Variants in HSD3B1 observed in about 807,000 individuals in gnomAD.
HSD3B1 encodes hydroxy-delta-5-steroid dehydrogenase, 3 beta- and steroid delta-isomerase 1.
Under a neutral mutation model 10.4 loss-of-function variants are expected in HSD3B1, and 11 were observed. The observed-to-expected ratio is 1.05, with a 90% CI of 0.66 to 1.75. The LOEUF (loss-of-function observed/expected upper bound fraction) is 1.75, where lower values mean the gene tolerates loss of function less well. Ranked by LOEUF, HSD3B1 falls within the 40% of genes most tolerant of loss-of-function variation. The probability of loss-of-function intolerance (pLI) is 0.00; values close to 1 mark genes in which losing one functional copy is unlikely to be tolerated. For missense variants in HSD3B1, 490 were observed against 454.5 expected, an observed-to-expected ratio of 1.08 and a Z score of -0.71; for synonymous variants, 217 against 185.4, an observed-to-expected ratio of 1.17 and a Z score of -1.39.
rs587705352 is a variant in HSD3B1, at chr1:119,511,733, G to A, written c.310+66G>A. On this transcript the variant is annotated intron_variant, in intron 3 of 3. Coordinates refer to ENST00000369413, the MANE Select transcript of HSD3B1 (RefSeq NM_000862.3). ...TAAGGATCACAAAGAAGGGCAGGAA[G>A]GGAAGAGAAGTCCCTCCACTGAACA... 391 of 1,404,158 alleles carry A rather than the reference G, an allele frequency of 2.8e-4. 1 individual carries two copies. In the East Asian group the frequency reaches 8.8e-3, roughly 32 times the overall value. 87.0% of individuals were successfully genotyped at this position (1,404,158 alleles called of 1,614,324 possible).
rs748977379 is a variant in HSD3B1 at position 119,507,436 on chromosome 1, T to G, written c.-41T>G. ...AGAATCAGATCTGCTCCCCAGCATCTTCTGTTTCCTGGTGAGTGATTCCTG... is the reference window on the plus strand; with the variant it reads ...AGAATCAGATCTGCTCCCCAGCATCGTCTGTTTCCTGGTGAGTGATTCCTG... On this transcript the variant is annotated 5_prime_UTR_variant, in exon 2 of 4. Coordinates refer to ENST00000369413, the MANE Select transcript of HSD3B1 (RefSeq NM_000862.3). 3.4e-5 allele frequency: 55 copies of G among 1,610,894 alleles called. No individual in the cohort carries two copies. In the East Asian group the frequency reaches 1.2e-3, roughly 35 times the overall value.
At chr1:119,507,321 T>C (rs779603888) in intron 1 of HSD3B1, 59 bp downstream of exon 1, 71 of 694,168 alleles carry the variant, frequency 1.0e-4, no homozygotes, top group Non-Finnish European at 1.7e-4. Flanking sequence ...ACAGAATGTT[T>C]GCAAAAAAAA....
In HSD3B1 at chr1:119,513,894, G is replaced by A. The variant is rs770825985; in HGVS notation, c.371G>A (p.Ser124Asn). The change falls in exon 4 of 4, where the codon AGT (serine) becomes AAT (asparagine). Residue 124 changes from serine to asparagine, a missense_variant. Physicochemically the swap from Ser to Asn is conservative, Grantham distance 46. Transcript: ENST00000369413. ...AGTGTGCCAGTCTTCATCTACACCAGTAGCATAGAGGTAGCCGGGCCCAAC... is the reference window on the plus strand; with the variant it reads ...AGTGTGCCAGTCTTCATCTACACCAATAGCATAGAGGTAGCCGGGCCCAAC... Reference protein sequence around the residue: ...QASVPVFIYTSSIEVAGPNSY... With the variant: ...QASVPVFIYTNSIEVAGPNSY... 6.2e-7 allele frequency: 1 copy of A among 1,613,892 alleles called. No individual in the cohort carries two copies. The highest frequency in any genetic ancestry group is 1.1e-5 in the South Asian group (1 of 91,066).
At position 119,514,563 on chromosome 1, in the gene HSD3B1, A is replaced by G. The variant is rs781486795; in HGVS notation, c.1040A>G (p.Glu347Gly). 1.2e-5 allele frequency: 20 copies of G among 1,613,946 alleles called. No individual in the cohort carries two copies. The Middle Eastern group carries it at 5.0e-4, about 40-fold the overall frequency. ...DLAYKPLYSWEEAKQKTVEWV... is the reference protein window; with the variant it reads ...DLAYKPLYSWGEAKQKTVEWV... The stretch of plus-strand genomic sequence containing the variant: ...GCGTATAAGCCACTCTACAGCTGGG[A>G]GGAAGCCAAGCAGAAAACGGTGGAG... Residue 347 changes from glutamate to glycine, a missense_variant, in exon 4 of 4, where the codon GAG (glutamate) becomes GGG (glycine). Coordinates refer to ENST00000369413, the MANE Select transcript of HSD3B1 (RefSeq NM_000862.3).
At chr1:119,507,724 A>C in intron 2 of HSD3B1, 103 bp downstream of exon 2, 2 of 1,139,088 alleles carry the variant, frequency 1.8e-6, no homozygotes, top group Non-Finnish European at 2.7e-6. Context: ...TTGTAGCCAA[A>C]TCTAAGCCAA....
In HSD3B1 at chr1:119,514,261, C is replaced by G. The variant is rs774850269; in HGVS notation, c.738C>G (p.Ala246=). Residue 246 remains alanine, a synonymous_variant, in exon 4 of 4, where the codon GCC becomes GCG. Transcript: ENST00000369413. ...ALRALQDPKK[A]PSIRGQFYYI... is the part of the protein sequence containing the mutation. ...GGGCCCTGCAGGACCCCAAGAAGGC[C>G]CCAAGCATCCGAGGACAGTTCTACT... The G allele has an allele frequency of 6.2e-6, 10 of 1,613,952 alleles. No homozygotes were observed. In the South Asian group the frequency reaches 9.9e-5, roughly 16 times the overall value.
At chr1:119,508,996 T>C (rs1653867555) in intron 2 of HSD3B1, among the ~76,000 whole-genome samples, 1 of 152,212 alleles carries the variant, frequency 6.6e-6, no homozygotes, top group South Asian at 2.1e-4. Flanking sequence ...TGTTCCCCTA[T>C]GGTAAAAATG....
chr1:119,514,119 C>G lies in HSD3B1; in HGVS notation c.596C>G (p.Ser199Cys). 1.2e-6 allele frequency: 2 copies of G among 1,614,124 alleles called. No homozygotes were observed. The highest frequency in any genetic ancestry group is 1.7e-6 in the Non-Finnish European group (2 of 1,180,012). Residue 199 changes from serine to cysteine, a missense_variant, in exon 4 of 4, where the codon TCT becomes TGT. Transcript: ENST00000369413. ...YIYGEGSRFLSASINEALNNN... is the reference protein window; with the variant it reads ...YIYGEGSRFLCASINEALNNN... ...TATGGGGAAGGAAGCCGATTCCTTTCTGCTAGTATAAACGAGGCCCTGAAC... is the reference window on the plus strand; with the variant it reads ...TATGGGGAAGGAAGCCGATTCCTTTGTGCTAGTATAAACGAGGCCCTGAAC...
At position 119,513,901 on chromosome 1, in the gene HSD3B1, A is replaced by T. The variant is rs759725079; in HGVS notation, c.378A>T (p.Ile126=). 10 of 1,614,082 alleles carry T rather than the reference A, an allele frequency of 6.2e-6. No individual in the cohort carries two copies. Among genetic ancestry groups the T allele is most frequent in the Non-Finnish European group, 8.5e-6 (10 of 1,179,990 alleles). Residue 126 remains isoleucine (I), a synonymous_variant, in exon 4 of 4, where the codon ATA becomes ATT. Coordinates refer to ENST00000369413, the MANE Select transcript of HSD3B1 (RefSeq NM_000862.3). Reference sequence around the variant, plus strand: ...CAGTCTTCATCTACACCAGTAGCATAGAGGTAGCCGGGCCCAACTCCTACA... The same window carrying T: ...CAGTCTTCATCTACACCAGTAGCATTGAGGTAGCCGGGCCCAACTCCTACA... ...SVPVFIYTSS[I]EVAGPNSYKE...
In HSD3B1 at chr1:119,514,303, G is replaced by A. The variant is rs762730179; in HGVS notation, c.780G>A (p.Thr260=). The change falls in exon 4 of 4, where the codon ACG becomes ACA. Residue 260 remains threonine, a synonymous_variant. Coordinates refer to ENST00000369413, the MANE Select transcript of HSD3B1 (RefSeq NM_000862.3). ...AGTTCTACTATATCTCAGATGACAC[G>A]CCTCACCAAAGCTATGATAACCTTA... ...RGQFYYISDD[T]PHQSYDNLNY... is the part of the protein sequence containing the mutation. 2.4e-5 allele frequency: 38 copies of A among 1,614,036 alleles called. No individual in the cohort carries two copies. The highest frequency in any genetic ancestry group is 1.3e-4 in the South Asian group (12 of 91,084).
chr1:119,511,009 G>C (rs12405653), intron 2 of HSD3B1, among the ~76,000 whole-genome samples: 14,256 of 152,030 alleles, frequency 0.094, 1,989 homozygotes, highest in African/African-American at 0.3. Context: ...GCCTCCCAAA[G>C]TGCTGGAATA....
chr1:119,510,514 T>C (rs1284226056), intron 2 of HSD3B1, among the ~76,000 whole-genome samples: 1 of 151,946 alleles, frequency 6.6e-6, no homozygotes, highest in African/African-American at 2.4e-5. Context: ...ACCTGGTATA[T>C]CTCTCCCCTC....
rs1318042066 is a variant in HSD3B1, at chr1:119,514,886, A to C, written c.*241A>C. 4 of 550,242 alleles carry C rather than the reference A, an allele frequency of 7.3e-6. No individual in the cohort carries two copies. The highest frequency in any genetic ancestry group is 3.2e-6 in the Non-Finnish European group (1 of 310,726). 34.1% of individuals were successfully genotyped at this position (550,242 alleles called of 1,614,324 possible). A position where few individuals can be genotyped will look rare whatever the true frequency, so the allele number is the denominator to read the frequency against. ...AAGACCATGTGGTTTGCTGTTACCA[A>C]ATCTCAGTAGCTGATTCTGAACAAT... is the stretch of plus-strand genomic sequence containing the variant. On this transcript the variant is annotated 3_prime_UTR_variant, in exon 4 of 4. Transcript: ENST00000369413.
intron 3 of HSD3B1, among the ~76,000 whole-genome samples, chr1:119,513,269 T>C (rs1392690235): frequency 6.6e-6 from 1 of 152,216 alleles, no homozygotes; most frequent in Non-Finnish European, 1.5e-5. Context: ...GACTCCAGGA[T>C]GGTCCTTGTG....
rs1482415504 is a variant in HSD3B1, at chr1:119,514,001, A to G, written c.478A>G (p.Lys160Glu). 2 of 1,613,884 alleles carry G rather than the reference A, an allele frequency of 1.2e-6. No homozygotes were observed. The highest frequency in any genetic ancestry group is 2.7e-5 in the African/African-American group (2 of 74,874). Residue 160 changes from lysine to glutamate, a missense_variant, in exon 4 of 4, where the codon AAG becomes GAG. Transcript: ENST00000369413. ...TWPAPYPHSK[K>E]LAEKAVLAAN... ...GCCCGCTCCATACCCACACAGCAAAAAGCTTGCTGAGAAGGCTGTACTGGC... is the reference window on the plus strand; with the variant it reads ...GCCCGCTCCATACCCACACAGCAAAGAGCTTGCTGAGAAGGCTGTACTGGC...
Position 119,514,288 on chromosome 1 carries a change from T to C in HSD3B1, c.765T>C (p.Tyr255=). 6.2e-7 allele frequency: 1 copy of C among 1,614,002 alleles called. No individual in the cohort carries two copies. The highest frequency in any genetic ancestry group is 8.5e-7 in the Non-Finnish European group (1 of 1,179,944). ...KAPSIRGQFY[Y]ISDDTPHQSY... ...CAAGCATCCGAGGACAGTTCTACTA[T>C]ATCTCAGATGACACGCCTCACCAAA... Residue 255 remains tyrosine, a synonymous_variant, in exon 4 of 4, where the codon TAT becomes TAC. Transcript: ENST00000369413.
At chr1:119,511,851 G>A (rs772142345) in intron 3 of HSD3B1, 184 bp downstream of exon 3, 80 of 603,384 alleles carry the variant, frequency 1.3e-4, no homozygotes, top group Non-Finnish European at 2.0e-4. Flanking sequence ...ATAAAACTAG[G>A]ACTGAGAGAG....
At chr1:119,511,414 C>T in intron 2 of HSD3B1, 89 bp from the exon 3 acceptor site, 5 of 1,344,990 alleles carry the variant, frequency 3.7e-6, no homozygotes, top group Non-Finnish European at 5.3e-6. Context: ...TCTAACCATC[C>T]TTGAACACCT....
chr1:119,513,763 T>C (rs780363323), intron 3 of HSD3B1, 71 bp from the exon 4 acceptor site: 91 of 1,430,674 alleles, frequency 6.4e-5, no homozygotes, highest in Non-Finnish European at 8.4e-5. Flanking sequence ...GTGGGGCACA[T>C]AGATCTGTGT....
Sources: allele counts gnomAD v4.1 joint callset (sites outside exome capture counted in the v4.1 genomes callset), GRCh38; gene constraint gnomAD v4.1.1; transcripts MANE v1.5; gene names NCBI Gene and HGNC (gene_info 2026-07-23, HGNC 2026-07-21).